PCSK5: variants seen among roughly 807,000 people sequenced by gnomAD.
PCSK5 encodes the protein prohormone convertase 5.
A neutral mutation model predicts 233.2 loss-of-function variants in PCSK5; 129 were observed. The observed-to-expected ratio is 0.55, with a 90% confidence interval of 0.48 to 0.64. The LOEUF is 0.64. Among genes scored for constraint, PCSK5 ranks in the 30% least tolerant of loss-of-function variants. The pLI is 0.00. For missense variants in PCSK5, 2,076 were observed against 2,430.1 expected (o/e 0.85, Z 3.06); for synonymous variants, 825 against 879.2 (o/e 0.94, Z 1.09).
At chr9:76,122,806 CTTATT>C (rs906310527) in intron 9 of PCSK5, among the ~76,000 whole-genome samples, 1 of 144,442 alleles carries the variant, frequency 6.9e-6, no homozygotes, top group African/African-American at 2.5e-5. Context: ...CCATCAGTTA[CTTATT>C]TTTTCTTTTT....
chr9:76,147,182 A>G (rs1465511356), intron 10 of PCSK5, among the ~76,000 whole-genome samples: 1 of 152,218 alleles, frequency 6.6e-6, no homozygotes, highest in Non-Finnish European at 1.5e-5. Flanking sequence ...ATGTGCATTC[A>G]AAGAAGGAAG....
Position 76,286,886 on chromosome 9 carries a change from T to G in PCSK5, c.3143-5347T>G, listed in dbSNP as rs369312989. 3.4e-4 allele frequency: 75 copies of G among 220,616 alleles called. 3 individuals carry two copies. The South Asian group carries it at 4.4e-3, about 13-fold the overall frequency. The allele number at this position is 220,616 out of a possible 1,614,324, so 13.7% of individuals were successfully genotyped here. ...CATTTTACACTTAGTCTGCAGCCAT[T>G]GGTGATTAACTTATTAAAGGACTTC... On this transcript the variant is annotated intron_variant, in intron 24 of 37. Transcript: ENST00000674117.
chr9:76,263,043 GC>G (rs1213752395), intron 24 of PCSK5, among the ~76,000 whole-genome samples: 1 of 151,866 alleles, frequency 6.6e-6, no homozygotes, highest in Non-Finnish European at 1.5e-5. Context: ...ACCTTCACTG[GC>G]CATCAGAGAA....
chr9:76,326,247 G>T (rs2131469121), intron 32 of PCSK5, among the ~76,000 whole-genome samples: 1 of 152,200 alleles, frequency 6.6e-6, no homozygotes, highest in African/African-American at 2.4e-5. Flanking sequence ...TTAGCCAGAT[G>T]TAGTGGTGTG....
chr9:76,153,141 TC>T, intron 10 of PCSK5, among the ~76,000 whole-genome samples: 1 of 152,152 alleles, frequency 6.6e-6, no homozygotes, highest in Non-Finnish European at 1.5e-5. Context: ...AGCCCTGAAC[TC>T]TAAAGGAACA....
chr9:76,153,311 G>A (rs930795414), intron 10 of PCSK5, among the ~76,000 whole-genome samples: 25 of 152,172 alleles, frequency 1.6e-4, no homozygotes, highest in African/African-American at 6.0e-4. Context: ...CCCTCAATAT[G>A]TTTTTAATAT....
rs1830382048 is a variant in PCSK5 at position 76,359,250 on chromosome 9, A to G, written c.*328A>G. ...TACAAACTCTTCTATGTGATTTTAA[A>G]AAAAGGACAGCAGATCTATAGAAAT... On this transcript the variant is annotated 3_prime_UTR_variant, in exon 38 of 38. Transcript: ENST00000674117. 2 of 252,216 alleles carry G rather than the reference A, an allele frequency of 7.9e-6. No homozygotes were observed. Among genetic ancestry groups the G allele is most frequent in the South Asian group, 1.6e-4 (2 of 12,186 alleles). The allele number at this position is 252,216 out of a possible 1,614,324, so 15.6% of individuals were successfully genotyped here. A position where few individuals can be genotyped will look rare whatever the true frequency, so the allele number is the denominator to read the frequency against.
chr9:75,957,888 A>G (rs964176638), intron 2 of PCSK5, among the ~76,000 whole-genome samples: 4 of 152,180 alleles, frequency 2.6e-5, no homozygotes, highest in African/African-American at 9.6e-5. Flanking sequence ...GTTTTCTTTT[A>G]GGTAATTCTA....
At chr9:76,238,157 G>A (rs533739288) in intron 22 of PCSK5, among the ~76,000 whole-genome samples, 2 of 152,218 alleles carry the variant, frequency 1.3e-5, no homozygotes, top group Non-Finnish European at 2.9e-5. Flanking sequence ...AACTCCGGGA[G>A]GGTGGGAGTA....
intron 25 of PCSK5, among the ~76,000 whole-genome samples, chr9:76,293,154 T>C (rs1456140499): frequency 7.3e-6 from 1 of 137,894 alleles, no homozygotes; most frequent in African/African-American, 2.8e-5. Flanking sequence ...TCACATTGCC[T>C]TTTCCCTCCA....
At chr9:76,123,346 C>G (rs1264222921) in intron 9 of PCSK5, among the ~76,000 whole-genome samples, 3 of 152,026 alleles carry the variant, frequency 2.0e-5, no homozygotes, top group Non-Finnish European at 4.4e-5. Context: ...GGGAAAAAAT[C>G]TATGTCTATT....
At chr9:76,112,233 A>G (rs1443673319) in intron 9 of PCSK5, among the ~76,000 whole-genome samples, 1 of 152,200 alleles carries the variant, frequency 6.6e-6, no homozygotes, top group Non-Finnish European at 1.5e-5. Context: ...GGACTGAGTC[A>G]GGTTGAAACT....
intron 9 of PCSK5, among the ~76,000 whole-genome samples, chr9:76,119,209 C>T (rs1832543088): frequency 6.6e-6 from 1 of 152,058 alleles, no homozygotes; most frequent in South Asian, 2.1e-4. Flanking sequence ...TCACCTAATA[C>T]TCTTTCATGT....
chr9:76,316,671 G>A (rs907277961), intron 30 of PCSK5, among the ~76,000 whole-genome samples: 3 of 142,124 alleles, frequency 2.1e-5, no homozygotes, highest in African/African-American at 8.0e-5. Context: ...CCAGCAAGTC[G>A]AGGCTGCAGT....
intron 15 of PCSK5, among the ~76,000 whole-genome samples, chr9:76,180,247 A>G (rs1053443379): frequency 2.0e-5 from 3 of 152,022 alleles, no homozygotes; most frequent in East Asian, 1.9e-4. Flanking sequence ...CAAGTACACA[A>G]TAAATTGTTA....
At chr9:76,236,760 T>C (rs1441670446) in intron 22 of PCSK5, among the ~76,000 whole-genome samples, 1 of 152,162 alleles carries the variant, frequency 6.6e-6, no homozygotes, top group African/African-American at 2.4e-5. Context: ...GAAATCTCTG[T>C]TCTTTAAACC....
intron 2 of PCSK5, among the ~76,000 whole-genome samples, chr9:75,976,274 CCA>C (rs10562995): frequency 0.18 from 25,767 of 140,864 alleles, 2,452 homozygotes; most frequent in East Asian, 0.37. Flanking sequence ...CACACAGACA[CCA>C]CACACACACA....
chr9:75,909,983 G>A (rs1822653669), intron 1 of PCSK5, among the ~76,000 whole-genome samples: 1 of 152,224 alleles, frequency 6.6e-6, no homozygotes, highest in Non-Finnish European at 1.5e-5. Context: ...GATTGGCAGA[G>A]CTCCAGATGG....
rs1406118757 is a variant in PCSK5 at position 76,362,695 on chromosome 9, T to A, written c.*3773T>A. Reference sequence around the variant, plus strand: ...ACGCCCTGGGCCTGGCAGTTAAAGATCGACCTCTGACCTAACCGGTTATGT... The same window carrying A: ...ACGCCCTGGGCCTGGCAGTTAAAGAACGACCTCTGACCTAACCGGTTATGT... On this transcript the variant is annotated 3_prime_UTR_variant, in exon 38 of 38. Transcript: ENST00000674117. Among the ~76,000 whole-genome samples the A allele has an allele frequency of 6.6e-6, 1 of 152,184 alleles. No individual in the cohort carries two copies. Among genetic ancestry groups the A allele is most frequent in the East Asian group, 1.9e-4 (1 of 5,196 alleles).
Sources: gnomAD v4.1 joint callset for allele counts (sites outside exome capture counted in the v4.1 genomes callset) on GRCh38, gnomAD v4.1.1 for gene constraint, MANE v1.5 for transcripts, NCBI Gene and HGNC (gene_info 2026-07-23, HGNC 2026-07-21) for gene names.